NOD1: variants seen among roughly 807,000 people sequenced by gnomAD.
The protein encoded by NOD1 is nucleotide-binding oligomerization domain-containing protein 1.
Under a neutral mutation model 81.2 loss-of-function variants are expected in NOD1, and 70 were observed. The ratio of observed to expected loss-of-function variants is 0.86; its 90% CI spans 0.71 to 1.05. The LOEUF is 1.05. Ranked by LOEUF, NOD1 falls within the 50% of genes least tolerant of loss-of-function variation. The pLI, the probability that NOD1 is intolerant of heterozygous loss-of-function variation, is 0.00. For synonymous variants in NOD1, 508 were observed against 526.9 expected, an observed-to-expected ratio of 0.96 and a Z score of 0.49; for missense variants, 1,233 against 1,228.0, an observed-to-expected ratio of 1.00 and a Z score of -0.06.
intron 1 of NOD1, among the ~76,000 whole-genome samples, chr7:30,464,568 G>T (rs772787274): frequency 1.6e-4 from 24 of 152,374 alleles, no homozygotes; most frequent in Admixed American, 3.3e-4. Context: ...GGTGAAATCT[G>T]TGGTGTCTGG....
intron 9 of NOD1, among the ~76,000 whole-genome samples, chr7:30,438,174 A>G (rs2128012562): frequency 6.6e-6 from 1 of 152,294 alleles, no homozygotes; most frequent in African/African-American, 2.4e-5. Flanking sequence ...CTGTCACATA[A>G]AGAGGACGTT....
chr7:30,452,728 A>C lies in NOD1; in HGVS notation c.689T>G (p.Phe230Cys). Residue 230 changes from phenylalanine (F) to cysteine (C), a missense_variant, in exon 6 of 14, where the codon TTC (phenylalanine) becomes TGC (cysteine). Phe to Cys is a radical substitution (Grantham distance 205, BLOSUM62 -2). Transcript: ENST00000222823. Reference sequence around the variant, plus strand: ...CATGCGGCAGCGAAAGTGGAAGAAGAATTTGACCCCTGCGTCTAGCCGGCC... The same window carrying C: ...CATGCGGCAGCGAAAGTGGAAGAAGCATTTGACCCCTGCGTCTAGCCGGCC... ...ATGRLDAGVK[F>C]FFHFRCRMFS... 6.2e-7 allele frequency: 1 copy of C among 1,613,972 alleles called. No individual in the cohort carries two copies. Among genetic ancestry groups the C allele is most frequent in the Non-Finnish European group, 8.5e-7 (1 of 1,180,038 alleles).
chr7:30,428,792 C>T (rs1187645514), intron 13 of NOD1, among the ~76,000 whole-genome samples: 2 of 152,244 alleles, frequency 1.3e-5, no homozygotes, highest in Admixed American at 1.3e-4. Flanking sequence ...GTTAAGGGAG[C>T]TGCTGAGTGG....
chr7:30,451,348 G>C lies in NOD1; in HGVS notation c.2069C>G (p.Ala690Gly). ...LKLTYCNACS[A>G]DCSALSFVLH... ...GACGAAGGAGAGGGCGCTGCAGTCG[G>C]CCGAGCAGGCGTTGCAGTAGGTCAG... Residue 690 changes from alanine (A) to glycine (G), a missense_variant, in exon 6 of 14, where the codon GCC becomes GGC. By Grantham distance (60) the Ala-to-Gly change is moderately conservative. Transcript: ENST00000222823. The surrounding 1 kb of genome is among the most constrained non-coding windows in gnomAD (Gnocchi z 4.2). 1 of 1,614,200 alleles carries C rather than the reference G, an allele frequency of 6.2e-7. No individual in the cohort carries two copies. The highest frequency in any genetic ancestry group is 8.5e-7 in the Non-Finnish European group (1 of 1,180,036).
Position 30,460,404 on chromosome 7 carries a change from CAAAG to C in NOD1, c.-351-367_-351-364del, listed in dbSNP as rs1027045285. On this transcript the variant is annotated intron_variant, in intron 1 of 13. Coordinates refer to ENST00000222823, the MANE Select transcript of NOD1 (RefSeq NM_006092.4). ...AGACGGTCTGGTCCTCTCTTCCAGG[CAAAG>C]AGAGGACGGAGATTGGGCTGGGGCC... 7.1e-6 allele frequency: 7 copies of C among 985,220 alleles called. No homozygotes were observed. In the African/African-American group the frequency reaches 1.2e-4, roughly 17 times the overall value. 61.0% of individuals were successfully genotyped at this position (985,220 alleles called of 1,614,324 possible). A position where few individuals can be genotyped will look rare whatever the true frequency, so the allele number is the denominator to read the frequency against.
chr7:30,453,953 A>G (rs1786069778), intron 5 of NOD1, among the ~76,000 whole-genome samples: 1 of 152,286 alleles, frequency 6.6e-6, no homozygotes, highest in African/African-American at 2.4e-5. Context: ...AAAAGCTAGT[A>G]AAGTAGCTGG....
In NOD1 at chr7:30,451,986, G is replaced by C; in HGVS notation, c.1431C>G (p.Val477=). 4 of 1,613,580 alleles carry C rather than the reference G, an allele frequency of 2.5e-6. No homozygotes were observed. In the South Asian group the frequency reaches 4.4e-5, roughly 18 times the overall value. The change falls in exon 6 of 14, where the codon GTC becomes GTG. Residue 477 remains valine, a synonymous_variant. Transcript: ENST00000222823. This position sits in a 1 kb window ranked among gnomAD's most constrained non-coding sequence, Gnocchi z 4.2. ...AHRGMEKSLF[V]FTQEEVQASG... ...AGGCCTGCACCTCCTCCTGGGTGAAGACAAAGAGGCTCTTCTCCATGCCCC... is the reference window on the plus strand; with the variant it reads ...AGGCCTGCACCTCCTCCTGGGTGAACACAAAGAGGCTCTTCTCCATGCCCC...
At chr7:30,434,155 G>C (rs756437957) in intron 11 of NOD1, among the ~76,000 whole-genome samples, 1 of 152,146 alleles carries the variant, frequency 6.6e-6, no homozygotes, top group African/African-American at 2.4e-5. Context: ...GGGTGACCTC[G>C]GGCAACAGGC....
intron 1 of NOD1, among the ~76,000 whole-genome samples, chr7:30,465,882 T>C (rs1216601017): frequency 6.6e-6 from 1 of 152,240 alleles, no homozygotes; most frequent in Non-Finnish European, 1.5e-5. Context: ...ACTTGCTATA[T>C]AGGTTGGTAA....
chr7:30,476,644 A>G (rs983002100), intron 1 of NOD1, among the ~76,000 whole-genome samples: 2 of 152,206 alleles, frequency 1.3e-5, no homozygotes. Flanking sequence ...TAAAAGATAT[A>G]TATGTGGCAA....
chr7:30,477,681 ATTT>A lies in NOD1; in HGVS notation c.-352+922_-352+924del, dbSNP rs35530986. Among the ~76,000 whole-genome samples, 271 of 136,238 alleles carry A rather than the reference ATTT, an allele frequency of 2.0e-3. 1 individual carries two copies. The highest frequency in any genetic ancestry group is 6.8e-3 in the African/African-American group (256 of 37,432). The allele number at this position is 136,238 out of a possible 152,430, so 89.4% of individuals were successfully genotyped here. On this transcript the variant is annotated intron_variant, in intron 1 of 13. Transcript: ENST00000222823. ...AGGCATGCGCCACCACGCCCGGTTA[ATTT>A]TTTTTTTTTTTTTTTTTAGTAGAGA...
intron 10 of NOD1, 21 bp downstream of exon 10, chr7:30,437,552 A>G: frequency 2.0e-6 from 3 of 1,473,986 alleles, no homozygotes; most frequent in Non-Finnish European, 2.7e-6. Flanking sequence ...TGGCCCCTGG[A>G]GACAGCAGGG....
rs5743363 is a variant in NOD1 at position 30,433,382 on chromosome 7, G to A, written c.2622-203C>T. On this transcript the variant is annotated intron_variant, in intron 11 of 13. Coordinates refer to ENST00000222823, the MANE Select transcript of NOD1 (RefSeq NM_006092.4). ...GGGACTCATTTTTAATGCAAATCCT[G>A]TACCTGGGCTCCTATTTCTTAGCCC... 4.5e-3 allele frequency: 2,485 copies of A among 557,722 alleles called. 8 individuals carry two copies. Among genetic ancestry groups the A allele is most frequent in the Non-Finnish European group, 6.6e-3 (2,097 of 315,784 alleles). The allele number at this position is 557,722 out of a possible 1,614,324, so 34.5% of individuals were successfully genotyped here. A position where few individuals can be genotyped will look rare whatever the true frequency, so the allele number is the denominator to read the frequency against.
intron 10 of NOD1, 25 bp from the exon 11 acceptor site, chr7:30,436,106 A>G (rs771707106): frequency 1.3e-6 from 2 of 1,574,080 alleles, no homozygotes; most frequent in South Asian, 2.2e-5. Context: ...ACTTGGGGTG[A>G]ATTATTAAAG....
At chr7:30,455,400 C>CT (rs987131880) in intron 4 of NOD1, 89 bp from the exon 5 acceptor site, 1 of 1,061,062 alleles carries the variant, frequency 9.4e-7, no homozygotes, top group African/African-American at 1.6e-5. Context: ...GGGCAGGGCT[C>CT]TGAGTTCTTA....
intron 9 of NOD1, among the ~76,000 whole-genome samples, chr7:30,439,410 G>A (rs1394006905): frequency 1.4e-5 from 2 of 140,750 alleles, no homozygotes; most frequent in Non-Finnish European, 3.0e-5. Context: ...CACCGTGCGC[G>A]AGCCGAAGCA....
At chr7:30,474,623 C>T (rs538717248) in intron 1 of NOD1, among the ~76,000 whole-genome samples, 4 of 152,368 alleles carry the variant, frequency 2.6e-5, no homozygotes, top group East Asian at 3.9e-4. Context: ...CTGATGCCAC[C>T]GCTGATCTGA....
intron 11 of NOD1, among the ~76,000 whole-genome samples, chr7:30,434,455 TAAAG>T (rs1021332502): frequency 6.6e-6 from 1 of 152,122 alleles, no homozygotes; most frequent in African/African-American, 2.4e-5. Context: ...CCTACCATAA[TAAAG>T]AATCACTTGG....
intron 12 of NOD1, among the ~76,000 whole-genome samples, chr7:30,432,566 G>A (rs1360352089): frequency 6.6e-6 from 1 of 152,202 alleles, no homozygotes; most frequent in Admixed American, 6.5e-5. Context: ...ATTGCCATAT[G>A]ACCCAGAAAT....
Sources: gnomAD v4.1 joint callset for allele counts (sites outside exome capture counted in the v4.1 genomes callset) on GRCh38, gnomAD v4.1.1 for gene constraint, Gnocchi (gnomAD v3.1) non-coding constraint, MANE v1.5 for transcripts, NCBI Gene and HGNC (gene_info 2026-07-23, HGNC 2026-07-21) for gene names.